Variants in ADGRE2 observed in about 807,000 individuals in gnomAD.
The protein encoded by ADGRE2 is CD97 antigen.
Under a neutral mutation model 100.8 loss-of-function variants are expected in ADGRE2, and 83 were observed. That is an observed-to-expected ratio of 0.82 (90% CI 0.69 to 0.99). ADGRE2 has a LOEUF of 0.99. ADGRE2 is among the 50% of genes least tolerant of loss of function. The pLI is 0.00. For synonymous variants in ADGRE2, 355 were observed against 413.0 expected, an observed-to-expected ratio of 0.86 and a Z score of 1.70; for missense variants, 814 against 1,035.7, an observed-to-expected ratio of 0.79 and a Z score of 2.94.
chr19:14,746,932 T>C lies in ADGRE2; in HGVS notation c.2055A>G (p.Ile685Met). Residue 685 changes from isoleucine (I) to methionine (M), a missense_variant, in exon 17 of 21, where the codon ATA becomes ATG. By Grantham distance (10) the Ile-to-Met change is conservative. Around this residue, in one of 5 missense-constraint regions of ADGRE2, gnomAD observed 569 missense variants for 692.7 expected, o/e 0.82. Transcript: ENST00000315576. ...RCWLQPEKGF[I>M]WGFLGPVCAI... ...CGCAGACAGGTCCAAGGAAGCCCCA[T>C]ATAAATCCCTTTTCTGGTTGGAGCC... The C allele has an allele frequency of 6.2e-7, 1 of 1,613,654 alleles. No homozygotes were observed. Among genetic ancestry groups the C allele is most frequent in the Non-Finnish European group, 8.5e-7 (1 of 1,179,900 alleles).
intron 16 of ADGRE2, among the ~76,000 whole-genome samples, chr19:14,748,374 T>A (rs1180392266): frequency 1.3e-5 from 2 of 152,134 alleles, no homozygotes; most frequent in Non-Finnish European, 2.9e-5. Context: ...AATGGAGCCA[T>A]CTTGGCTCAC....
In ADGRE2 at chr19:14,777,137, G is replaced by A. The variant is rs117555762; in HGVS notation, c.-171-210C>T. ...GTGTTCCAGGCTGGCTGCTGTGCAGGGGAAGGTGTGGCAGCCGGGCGGGGC... is the reference window on the plus strand; with the variant it reads ...GTGTTCCAGGCTGGCTGCTGTGCAGAGGAAGGTGTGGCAGCCGGGCGGGGC... On this transcript the variant is annotated intron_variant, in intron 1 of 20. Coordinates refer to ENST00000315576, the MANE Select transcript of ADGRE2 (RefSeq NM_013447.4). The A allele has an allele frequency of 8.6e-3, 8,468 of 979,160 alleles. 42 individuals are homozygous for A. Among genetic ancestry groups the A allele is most frequent in the Non-Finnish European group, 9.8e-3 (8,078 of 824,212 alleles). The allele number at this position is 979,160 out of a possible 1,614,324, so 60.7% of individuals were successfully genotyped here.
At chr19:14,736,342 A>T (rs1599772917) in intron 20 of ADGRE2, 98 bp from the exon 21 acceptor site, 1 of 720,828 alleles carries the variant, frequency 1.4e-6, no homozygotes, top group African/African-American at 1.8e-5. Context: ...ACTCACTGTA[A>T]CCCCCGCCTC....
chr19:14,744,438 G>A (rs1252410598), intron 18 of ADGRE2, among the ~76,000 whole-genome samples: 2 of 152,002 alleles, frequency 1.3e-5, no homozygotes, highest in East Asian at 1.9e-4. Context: ...AAACCCTGTA[G>A]AGGAATTATT....
chr19:14,733,477 C>T lies in ADGRE2; in HGVS notation c.*2759G>A, dbSNP rs1219051177. On this transcript the variant is annotated 3_prime_UTR_variant, in exon 21 of 21. Transcript: ENST00000315576. ...TGGGCCTTAATAAGCACATTCCTTT[C>T]CCTCCAGGTGCACTAAAATAGGGAA... 1 of 152,120 alleles carries T rather than the reference C, an allele frequency of 6.6e-6. No individual in the cohort carries two copies. Among genetic ancestry groups the T allele is most frequent in the Non-Finnish European group, 1.5e-5 (1 of 68,030 alleles). The allele number at this position is 152,120 out of a possible 1,614,324, so 9.4% of individuals were successfully genotyped here. A position where few individuals can be genotyped will look rare whatever the true frequency, so the allele number is the denominator to read the frequency against.
chr19:14,773,302 CTTCT>C (rs1213272988), intron 4 of ADGRE2, among the ~76,000 whole-genome samples: 264 of 148,304 alleles, frequency 1.8e-3, no homozygotes, highest in African/African-American at 6.3e-3. Flanking sequence ...TCCTTCCTTC[CTTCT>C]TTCCTCCCTC....
intron 1 of ADGRE2, 42 bp from the exon 2 acceptor site, chr19:14,776,969 G>T: frequency 9.8e-7 from 1 of 1,018,982 alleles, no homozygotes; most frequent in East Asian, 3.5e-5. Flanking sequence ...ACAGAACCAG[G>T]GGCGCTGCAC....
At chr19:14,736,800 A>T (rs1420457559) in intron 20 of ADGRE2, among the ~76,000 whole-genome samples, 3 of 81,722 alleles carry the variant, frequency 3.7e-5, no homozygotes, top group East Asian at 3.9e-4. Context: ...AGATATTTAG[A>T]AATATATAGA....
chr19:14,752,680 G>A (rs1401527401), intron 14 of ADGRE2, among the ~76,000 whole-genome samples, 154 bp from the exon 15 acceptor site: 1 of 152,150 alleles, frequency 6.6e-6, no homozygotes, highest in Non-Finnish European at 1.5e-5. Context: ...TTTAATTTGC[G>A]AAGGTGTCAC....
At chr19:14,759,208 G>C (rs2043612861) in intron 11 of ADGRE2, among the ~76,000 whole-genome samples, 1 of 151,952 alleles carries the variant, frequency 6.6e-6, no homozygotes, top group Non-Finnish European at 1.5e-5. Flanking sequence ...GAACATGTCG[G>C]GCCCCCAGGT....
intron 11 of ADGRE2, among the ~76,000 whole-genome samples, chr19:14,763,752 T>C (rs116831178): frequency 0.11 from 152 of 1,434 alleles, no homozygotes; most frequent in Middle Eastern, 0.5. Flanking sequence ...TCCTCCTCCT[T>C]CTCCTCTCCT....
chr19:14,770,517 A>C (rs949572792), intron 5 of ADGRE2, among the ~76,000 whole-genome samples: 1 of 151,816 alleles, frequency 6.6e-6, no homozygotes, highest in Non-Finnish European at 1.5e-5. Context: ...CATGACCACC[A>C]CGTACAGTTG....
Position 14,773,974 on chromosome 19 carries a change from A to T in ADGRE2, c.163T>A (p.Ser55Thr). Residue 55 changes from serine (S) to threonine (T), a missense_variant, in exon 4 of 21, where the codon TCT becomes ACT. Coordinates refer to ENST00000315576, the MANE Select transcript of ADGRE2 (RefSeq NM_013447.4). ...TCCATGGGGGTGGTGATGATCTCAG[A>T]AAAAGAGCTGAACCCTGGATTGCAG... The part of the protein sequence containing the change: ...CRCNPGFSSF[S>T]EIITTPMETC... 6.2e-7 allele frequency: 1 copy of T among 1,614,060 alleles called. No individual in the cohort carries two copies. Among genetic ancestry groups the T allele is most frequent in the Non-Finnish European group, 8.5e-7 (1 of 1,180,008 alleles).
At position 14,768,122 on chromosome 19, in the gene ADGRE2, A is replaced by AGTT. The variant is rs574328250; in HGVS notation, c.356-1016_356-1014dup. On this transcript the variant is annotated intron_variant, in intron 5 of 20. Coordinates refer to ENST00000315576, the MANE Select transcript of ADGRE2 (RefSeq NM_013447.4). ...CCCCAGGACAGCTGCTCACTGGCTGAGTTATCAGAATCCCGGTGGCCCTAG... is the reference window on the plus strand; with the variant it reads ...CCCCAGGACAGCTGCTCACTGGCTGAGTTGTTATCAGAATCCCGGTGGCCCTAG... 4.6e-5 allele frequency among the ~76,000 whole-genome samples: 7 copies of AGTT among 152,298 alleles called. No individual in the cohort carries two copies. The South Asian group carries it at 1.2e-3, about 27-fold the overall frequency.
intron 20 of ADGRE2, among the ~76,000 whole-genome samples, chr19:14,737,222 C>CT (rs1409619204): frequency 6.7e-6 from 1 of 149,602 alleles, no homozygotes; most frequent in Admixed American, 6.7e-5. Flanking sequence ...GGGCCTTGCT[C>CT]TGTCACCCAG....
intron 1 of ADGRE2, 49 bp from the exon 2 acceptor site, chr19:14,776,976 GCACACACACACACACACA>G: frequency 2.2e-5 from 23 of 1,024,722 alleles, no homozygotes; most frequent in Non-Finnish European, 2.4e-5. Context: ...CAGGGGCGCT[GCACACACACACACACACA>G]CACACACACA....
intron 11 of ADGRE2, among the ~76,000 whole-genome samples, 174 bp from the exon 12 acceptor site, chr19:14,756,519 A>T (rs1461172943): frequency 3.3e-5 from 5 of 152,214 alleles, no homozygotes; most frequent in Admixed American, 3.3e-4. Flanking sequence ...CCTAGATGAA[A>T]TGGACACATT....
chr19:14,754,226 C>A (rs2043401690), intron 14 of ADGRE2, among the ~76,000 whole-genome samples: 1 of 151,950 alleles, frequency 6.6e-6, no homozygotes, highest in South Asian at 2.1e-4. Context: ...CTGCAGACGG[C>A]CTATCGTGGG....
intron 11 of ADGRE2, among the ~76,000 whole-genome samples, chr19:14,762,725 C>A (rs2043774010): frequency 6.6e-6 from 1 of 152,040 alleles, no homozygotes; most frequent in African/African-American, 2.4e-5. Context: ...CTCACTGCAA[C>A]CTCTGCCTCC....
Sources: gnomAD v4.1 joint callset for allele counts (sites outside exome capture counted in the v4.1 genomes callset) on GRCh38, gnomAD v4.1.1 for gene constraint, gnomAD v4.1.1 regional missense constraint, MANE v1.5 for transcripts, NCBI Gene and HGNC (gene_info 2026-07-23, HGNC 2026-07-21) for gene names.